Variants in GABRA4 observed in about 807,000 individuals in gnomAD.
GABRA4 encodes the protein gamma-aminobutyric acid type A receptor subunit alpha4.
GABRA4 carries 12 observed loss-of-function variants against 49.7 expected under a neutral mutation model. The observed-to-expected ratio is 0.24, with a 90% confidence interval of 0.15 to 0.39. The LOEUF (loss-of-function observed/expected upper bound fraction) is 0.39, where lower values mean the gene tolerates loss of function less well. Among genes scored for constraint, GABRA4 ranks in the 10% least tolerant of loss-of-function variants. GABRA4 has a pLI of 1.00. For synonymous variants in GABRA4, 288 were observed against 240.2 expected, an observed-to-expected ratio of 1.20 and a Z score of -1.84; for missense variants, 506 against 686.0, an observed-to-expected ratio of 0.74 and a Z score of 2.93.
At chr4:46,986,985 A>G (rs1438565955) in intron 2 of GABRA4, among the ~76,000 whole-genome samples, 2 of 152,140 alleles carry the variant, frequency 1.3e-5, no homozygotes, top group Non-Finnish European at 2.9e-5. Flanking sequence ...TGCCTGGTTT[A>G]TTATGGAAAA....
intron 2 of GABRA4, among the ~76,000 whole-genome samples, chr4:46,985,687 A>C (rs1000404627): frequency 7.2e-5 from 11 of 152,040 alleles, no homozygotes; most frequent in African/African-American, 4.8e-5. Context: ...CATAATCTAG[A>C]TTTTACAATG....
chr4:46,950,049 A>G (rs1043479450), intron 8 of GABRA4, among the ~76,000 whole-genome samples: 2 of 152,132 alleles, frequency 1.3e-5, no homozygotes, highest in Non-Finnish European at 2.9e-5. Flanking sequence ...TTTTTAGATC[A>G]GCCCGTTGGC....
chr4:46,978,823 C>A (rs1171536726), intron 3 of GABRA4, among the ~76,000 whole-genome samples: 1 of 151,626 alleles, frequency 6.6e-6, no homozygotes, highest in African/African-American at 2.4e-5. Context: ...TTAGAATGAC[C>A]CTAAATCAAC....
chr4:46,928,321 A>G lies in GABRA4; in HGVS notation c.1569T>C (p.Arg523=). The G allele has an allele frequency of 6.2e-7, 1 of 1,613,582 alleles. No homozygotes were observed. The highest frequency in any genetic ancestry group is 8.5e-7 in the Non-Finnish European group (1 of 1,179,640). The part of the protein sequence containing the change: ...SGTSKIDKYA[R]ILFPVTFGAF... Reference sequence around the variant, plus strand: ...CCCCAAATGTGACTGGAAAGAGAATACGGGCATATTTGTCTATTTTACTTG... The same window carrying G: ...CCCCAAATGTGACTGGAAAGAGAATGCGGGCATATTTGTCTATTTTACTTG... The change falls in exon 9 of 9, where the codon CGT becomes CGC. Residue 523 remains arginine (R), a synonymous_variant. Transcript: ENST00000264318.
intron 8 of GABRA4, among the ~76,000 whole-genome samples, chr4:46,942,597 C>A (rs1235486860): frequency 6.6e-6 from 1 of 150,502 alleles, no homozygotes; most frequent in East Asian, 2.0e-4. Flanking sequence ...TGCACTCCAG[C>A]CTGGGCGACA....
intron 2 of GABRA4, among the ~76,000 whole-genome samples, chr4:46,984,007 G>T (rs1329204954): frequency 6.6e-6 from 1 of 151,982 alleles, no homozygotes; most frequent in Non-Finnish European, 1.5e-5. Flanking sequence ...TAACTTGCTG[G>T]GAAAGAGGGA....
chr4:46,956,309 C>T (rs565332188), intron 8 of GABRA4, among the ~76,000 whole-genome samples: 19 of 151,816 alleles, frequency 1.3e-4, no homozygotes, highest in Non-Finnish European at 8.8e-5. Flanking sequence ...CTGCCCAAAA[C>T]CAAGTTTAAA....
At chr4:46,961,624 C>T (rs748664597) in intron 8 of GABRA4, among the ~76,000 whole-genome samples, 1 of 151,724 alleles carries the variant, frequency 6.6e-6, no homozygotes, top group Non-Finnish European at 1.5e-5. Flanking sequence ...AATAAGGGAC[C>T]GATCTGTTAT....
intron 8 of GABRA4, among the ~76,000 whole-genome samples, chr4:46,959,773 A>AAG (rs1553904327): frequency 6.8e-6 from 1 of 147,818 alleles, no homozygotes; most frequent in African/African-American, 2.5e-5. Flanking sequence ...AAAAAAAAAA[A>AAG]AAAGAAAAGA....
chr4:46,967,961 G>GA (rs1251757556), intron 7 of GABRA4, among the ~76,000 whole-genome samples: 1 of 151,714 alleles, frequency 6.6e-6, no homozygotes, highest in African/African-American at 2.4e-5. Flanking sequence ...AGAAAACTTA[G>GA]AGGCATACAG....
Position 46,928,341 on chromosome 4 carries a change from T to C in GABRA4, c.1549A>G (p.Lys517Glu). The C allele has an allele frequency of 2.5e-6, 4 of 1,613,632 alleles. No individual in the cohort carries two copies. Among genetic ancestry groups the C allele is most frequent in the Non-Finnish European group, 3.4e-6 (4 of 1,179,670 alleles). The stretch of plus-strand genomic sequence containing the variant: ...AGAATACGGGCATATTTGTCTATTT[T>C]ACTTGTGCCAGATCCAGAAGGTGGT... ...APPPSGSGTS[K>E]IDKYARILFP... Residue 517 changes from lysine (K) to glutamate (E), a missense_variant, in exon 9 of 9, where the codon AAA becomes GAA. Lys to Glu is a moderately conservative substitution (Grantham distance 56). This residue lies in a region of GABRA4 where 243 missense variants were observed against 210.8 expected (regional missense o/e 1.15). Transcript: ENST00000264318.
At position 46,927,258 on chromosome 4, in the gene GABRA4, T is replaced by C. The variant is rs1278003349; in HGVS notation, c.*967A>G. The C allele has an allele frequency of 1.3e-5, 2 of 152,488 alleles. No individual in the cohort carries two copies. Among genetic ancestry groups the C allele is most frequent in the African/African-American group, 4.8e-5 (2 of 41,438 alleles). 9.4% of individuals were successfully genotyped at this position (152,488 alleles called of 1,614,324 possible). On this transcript the variant is annotated 3_prime_UTR_variant, in exon 9 of 9. Coordinates refer to ENST00000264318, the MANE Select transcript of GABRA4 (RefSeq NM_000809.4). The stretch of plus-strand genomic sequence containing the variant: ...TATTTTGAAAACCAATTGCTGAAGT[T>C]GTACTGACATCAAAGTGGTTATGTG...
chr4:46,965,985 C>A (rs1243200516), intron 7 of GABRA4, among the ~76,000 whole-genome samples: 5 of 151,638 alleles, frequency 3.3e-5, no homozygotes, highest in Non-Finnish European at 5.9e-5. Context: ...AAGTACTTCT[C>A]CTCCATCAAT....
At chr4:46,947,789 G>A (rs919715428) in intron 8 of GABRA4, among the ~76,000 whole-genome samples, 11 of 152,012 alleles carry the variant, frequency 7.2e-5, no homozygotes, top group Non-Finnish European at 1.2e-4. Context: ...TTAATCTTGT[G>A]CTGCATAATA....
chr4:46,933,067 T>C (rs1721497313), intron 8 of GABRA4, among the ~76,000 whole-genome samples: 1 of 151,998 alleles, frequency 6.6e-6, no homozygotes, highest in African/African-American at 2.4e-5. Context: ...AAAAGAACAA[T>C]GAAGTAAGAG....
intron 2 of GABRA4, among the ~76,000 whole-genome samples, chr4:46,982,725 T>C (rs1723399936): frequency 6.6e-6 from 1 of 152,040 alleles, no homozygotes; most frequent in African/African-American, 2.4e-5. Flanking sequence ...TAAGGGAGTT[T>C]ATATGATTAG....
At chr4:46,974,587 C>G (rs1169394308) in intron 5 of GABRA4, among the ~76,000 whole-genome samples, 1 of 151,862 alleles carries the variant, frequency 6.6e-6, no homozygotes, top group Non-Finnish European at 1.5e-5. Context: ...CCCTGCAACT[C>G]AACAGTATTT....
In GABRA4 at chr4:46,992,943, T is replaced by C; in HGVS notation, c.90A>G (p.Leu30=). The C allele has an allele frequency of 6.4e-7, 1 of 1,559,656 alleles. No homozygotes were observed. The highest frequency in any genetic ancestry group is 8.8e-7 in the Non-Finnish European group (1 of 1,142,562). Residue 30 remains leucine, a synonymous_variant, in exon 2 of 9, where the codon TTA becomes TTG. Transcript: ENST00000264318. ...TTTGGTTCTGTCCTGGGGATTCGTT[T>C]AAACTGCAAGCGAAAAAAAAAAAAC... ...LLRFLCLAVC[L]NESPGQNQKE...
At chr4:46,954,103 G>C (rs1338169371) in intron 8 of GABRA4, among the ~76,000 whole-genome samples, 1 of 152,114 alleles carries the variant, frequency 6.6e-6, no homozygotes, top group Admixed American at 6.6e-5. Flanking sequence ...AATAAGCACA[G>C]TATAATTGAT....
Sources: allele counts gnomAD v4.1 joint callset (sites outside exome capture counted in the v4.1 genomes callset), GRCh38; gene constraint gnomAD v4.1.1; regional missense constraint gnomAD v4.1.1; transcripts MANE v1.5; gene names NCBI Gene and HGNC (gene_info 2026-07-23, HGNC 2026-07-21).